The following ADAM33 variants were observed in gnomAD, a reference collection of about 807,000 sequenced individuals.
ADAM33 encodes ADAM metallopeptidase domain 33, also known as disintegrin and metalloproteinase domain-containing protein 33.
A neutral mutation model predicts 106.2 loss-of-function variants in ADAM33; 103 were observed. That is an observed-to-expected ratio of 0.97 (90% confidence interval 0.83 to 1.14). ADAM33 has a LOEUF of 1.14. Ranked by LOEUF, ADAM33 falls within the 50% of genes most tolerant of loss-of-function variation. ADAM33 has a pLI of 0.00. For missense variants in ADAM33, 1,120 were observed against 1,096.6 expected, an observed-to-expected ratio of 1.02 and a Z score of -0.30; for synonymous variants, 483 against 453.0, an observed-to-expected ratio of 1.07 and a Z score of -0.84.
intron 6 of ADAM33, 62 bp from the exon 7 acceptor site, chr20:3,674,346 T>A (rs2485700): frequency 6.2e-7 from 1 of 1,609,806 alleles, no homozygotes. Flanking sequence ...TGACCACCAA[T>A]CCCAGCTCCC....
chr20:3,676,181 C>G (rs891230853), intron 3 of ADAM33, among the ~76,000 whole-genome samples: 1 of 151,986 alleles, frequency 6.6e-6, no homozygotes, highest in Non-Finnish European at 1.5e-5. Context: ...CCCCACCCAG[C>G]CCAAGGCACC....
At chr20:3,673,074 T>G in intron 11 of ADAM33, 176 bp from the exon 12 acceptor site, 1 of 1,444,210 alleles carries the variant, frequency 6.9e-7, no homozygotes, top group Non-Finnish European at 9.1e-7. Flanking sequence ...GCCCCAATAG[T>G]GAGCAGCCCG....
intron 19 of ADAM33, chr20:3,670,440 T>G (rs2087459994): frequency 6.2e-6 from 1 of 160,704 alleles, no homozygotes; most frequent in Non-Finnish European, 1.4e-5. Context: ...TAGTATTATG[T>G]GACTCCCCAC....
intron 19 of ADAM33, chr20:3,670,536 G>A (rs2087466303): frequency 6.0e-6 from 1 of 167,190 alleles, no homozygotes; most frequent in African/African-American, 2.4e-5. Context: ...CCAGTGGTAT[G>A]GAGTGAAAAG....
At chr20:3,679,136 C>CTTTTTTT (rs778392877) in intron 2 of ADAM33, among the ~76,000 whole-genome samples, 3 of 78,242 alleles carry the variant, frequency 3.8e-5, no homozygotes, top group African/African-American at 9.8e-5. Flanking sequence ...CTTTTTGGTG[C>CTTTTTTT]TTTTTTTTTT....
Position 3,674,073 on chromosome 20 carries a change from G to C in ADAM33, c.729C>G (p.Tyr243Ter), listed in dbSNP as rs763760073. The change falls in exon 8 of 22, where the codon TAC becomes TAG. Residue 243 changes from tyrosine (Y) to a stop codon, truncating the protein, a stop_gained. Coordinates refer to ENST00000356518, the MANE Select transcript of ADAM33 (RefSeq NM_025220.5). LOFTEE classifies it high-confidence loss of function. ...TKQRLLEVAN[Y>*]VDQLLRTLDI... ...CCCCGCCGCCCCCAACCTGGTCCACGTAGTTGGCGACTTCCAGGAGACGCT... is the reference window on the plus strand; with the variant it reads ...CCCCGCCGCCCCCAACCTGGTCCACCTAGTTGGCGACTTCCAGGAGACGCT... 1.9e-6 allele frequency: 3 copies of C among 1,614,128 alleles called. No homozygotes were observed. In the Admixed American group the frequency reaches 5.0e-5, roughly 27 times the overall value.
At position 3,671,955 on chromosome 20, in the gene ADAM33, T is replaced by C. The variant is rs2087564304; in HGVS notation, c.1628A>G (p.Gln543Arg). ...AGCATCTCCCGCAGAGTTCACCACC[T>C]GGAAACAGGCCTCGGGAGCTGGGTG... The part of the protein sequence containing the change: ...GSHPAPEACF[Q>R]VVNSAGDAHG... Residue 543 changes from glutamine (Q) to arginine (R), a missense_variant, in exon 15 of 22, where the codon CAG (glutamine) becomes CGG (arginine). Coordinates refer to ENST00000356518, the MANE Select transcript of ADAM33 (RefSeq NM_025220.5). 1 of 1,556,166 alleles carries C rather than the reference T, an allele frequency of 6.4e-7. No homozygotes were observed. The highest frequency in any genetic ancestry group is 1.2e-5 in the South Asian group (1 of 84,456).
chr20:3,673,562 C>A lies in ADAM33; in HGVS notation c.990+12G>T, dbSNP rs908717017. 5.2e-5 allele frequency: 72 copies of A among 1,395,836 alleles called. No individual in the cohort carries two copies. Among genetic ancestry groups the A allele is most frequent in the Non-Finnish European group, 6.0e-5 (65 of 1,081,632 alleles). 86.5% of individuals were successfully genotyped at this position (1,395,836 alleles called of 1,614,324 possible). ...CTCCTGTCTCTCCCTCGCCCCCGCC[C>A]GCGGGGCTCACCGTGCTCACGCCTC... On this transcript the variant is annotated intron_variant, in intron 10 of 21. Transcript: ENST00000356518.
At chr20:3,670,944 A>G in intron 19 of ADAM33, 62 bp downstream of exon 19, 5 of 1,491,246 alleles carry the variant, frequency 3.4e-6, no homozygotes, top group Non-Finnish European at 4.5e-6. Flanking sequence ...CCACAGCCCC[A>G]GCAGAGCTCT....
Position 3,673,403 on chromosome 20 carries a change from C to T in ADAM33, c.1084G>A (p.Val362Met), listed in dbSNP as rs538914874. ...GLSHDPDGCC[V>M]EAAAESGGCV... ...CCTCCGGACTCGGCCGCAGCCTCCA[C>T]GCAGCAGCCGTCGGGGTCGTGGCTG... is the stretch of plus-strand genomic sequence containing the variant. The change falls in exon 11 of 22, where the codon GTG becomes ATG. Residue 362 changes from valine (V) to methionine (M), a missense_variant. Transcript: ENST00000356518. 4 of 1,554,164 alleles carry T rather than the reference C, an allele frequency of 2.6e-6. No individual in the cohort carries two copies. Among genetic ancestry groups the T allele is most frequent in the African/African-American group, 2.7e-5 (2 of 73,808 alleles).
intron 6 of ADAM33, 97 bp from the exon 7 acceptor site, chr20:3,674,381 G>T: frequency 5.0e-6 from 8 of 1,603,198 alleles, no homozygotes; most frequent in Non-Finnish European, 3.4e-6. Context: ...CATGTTTTCT[G>T]GAACTTGTTT....
At chr20:3,672,036 A>T (rs1568800881) in intron 14 of ADAM33, 51 bp from the exon 15 acceptor site, 1 of 1,554,368 alleles carries the variant, frequency 6.4e-7, no homozygotes, top group African/African-American at 1.4e-5. Flanking sequence ...GGCTGCGCTC[A>T]GCGGGCCTCA....
chr20:3,673,589 C>T lies in ADAM33; in HGVS notation c.975G>A (p.Ser325=), dbSNP rs544370458. The T allele has an allele frequency of 3.6e-6, 5 of 1,376,242 alleles. No individual in the cohort carries two copies. In the East Asian group the frequency reaches 9.1e-5, roughly 25 times the overall value. 85.3% of individuals were successfully genotyped at this position (1,376,242 alleles called of 1,614,324 possible). The part of the protein sequence containing the change: ...PVEGMCRAES[S]GGVSTDHSEL... ...CGGGGCTCACCGTGCTCACGCCTCCCGAGCTCTCGGCGCGGCACATGCCCT... is the reference window on the plus strand; with the variant it reads ...CGGGGCTCACCGTGCTCACGCCTCCTGAGCTCTCGGCGCGGCACATGCCCT... Residue 325 remains serine (S), a synonymous_variant, in exon 10 of 22, where the codon TCG becomes TCA. Transcript: ENST00000356518.
Position 3,668,676 on chromosome 20 carries a change from C to T in ADAM33, c.*287G>A, listed in dbSNP as rs2087340462. On this transcript the variant is annotated 3_prime_UTR_variant, in exon 22 of 22. Coordinates refer to ENST00000356518, the MANE Select transcript of ADAM33 (RefSeq NM_025220.5). ...TGGGATGGCCAGCACTACCCAGCCTCCACTGGTGAGGGAGGTCAGGGGCTG... is the reference window on the plus strand; with the variant it reads ...TGGGATGGCCAGCACTACCCAGCCTTCACTGGTGAGGGAGGTCAGGGGCTG... The T allele has an allele frequency of 4.2e-6, 2 of 471,614 alleles. No homozygotes were observed. Among genetic ancestry groups the T allele is most frequent in the Admixed American group, 6.7e-5 (2 of 29,892 alleles). The allele number at this position is 471,614 out of a possible 1,614,324, so 29.2% of individuals were successfully genotyped here.
At chr20:3,676,972 C>A in intron 3 of ADAM33, 95 bp downstream of exon 3, 2 of 1,339,492 alleles carry the variant, frequency 1.5e-6, no homozygotes, top group South Asian at 1.3e-5. Flanking sequence ...TCTCTGGGGT[C>A]CTCTGCCCAT....
Position 3,671,147 on chromosome 20 carries a change from T to C in ADAM33, c.2099A>G (p.Asp700Gly), listed in dbSNP as rs761702883. 2 of 1,612,734 alleles carry C rather than the reference T, an allele frequency of 1.2e-6. No individual in the cohort carries two copies. Among genetic ancestry groups the C allele is most frequent in the Non-Finnish European group, 1.7e-6 (2 of 1,179,562 alleles). Residue 700 changes from aspartate (D) to glycine (G), a missense_variant, in exon 19 of 22, where the codon GAC becomes GGC. Transcript: ENST00000356518. ...DSGPVQAENH[D>G]TFLLAMLLSV... ...GAGGAGCATGGCCAGCAGGAAGGTG[T>C]CATGGTCTGCGGGGATTGGGGGAAG...
chr20:3,680,671 C>T (rs1425724817), intron 1 of ADAM33, among the ~76,000 whole-genome samples: 1 of 152,124 alleles, frequency 6.6e-6, no homozygotes, highest in African/African-American at 2.4e-5. Flanking sequence ...GGTCTCTCAG[C>T]CCAGAGAGCA....
rs1299712306 is a variant in ADAM33 at position 3,673,456 on chromosome 20, G to A, written c.1031C>T (p.Ala344Val). ...ELPIGAAATM[A>V]HEIGHSLGLS... ...GCCGAGGCTGTGGCCGATCTCATGGGCCATGGTGGCTGCGGCGCCGATGGG... is the reference window on the plus strand; with the variant it reads ...GCCGAGGCTGTGGCCGATCTCATGGACCATGGTGGCTGCGGCGCCGATGGG... The change falls in exon 11 of 22, where the codon GCC (alanine) becomes GTC (valine). Residue 344 changes from alanine to valine, a missense_variant. Ala to Val is a moderately conservative substitution (Grantham distance 64). Transcript: ENST00000356518. 2.6e-6 allele frequency: 4 copies of A among 1,559,980 alleles called. No homozygotes were observed. The highest frequency in any genetic ancestry group is 2.4e-5 in the South Asian group (2 of 84,358).
In ADAM33 at chr20:3,668,620, G is replaced by C. The variant is rs2087338327; in HGVS notation, c.*343C>G. 2.8e-6 allele frequency: 1 copy of C among 360,484 alleles called. No individual in the cohort carries two copies. The highest frequency in any genetic ancestry group is 5.2e-6 in the Non-Finnish European group (1 of 190,508). The allele number at this position is 360,484 out of a possible 1,614,324, so 22.3% of individuals were successfully genotyped here. A position where few individuals can be genotyped will look rare whatever the true frequency, so the allele number is the denominator to read the frequency against. ...GGGTCCGTGGAAATTGCATGTAGGA[G>C]ACACACCAGACTCCCAGGACAGAGC... On this transcript the variant is annotated 3_prime_UTR_variant, in exon 22 of 22. Coordinates refer to ENST00000356518, the MANE Select transcript of ADAM33 (RefSeq NM_025220.5).
Sources: allele counts gnomAD v4.1 joint callset (sites outside exome capture counted in the v4.1 genomes callset), GRCh38; gene constraint gnomAD v4.1.1; transcripts MANE v1.5; gene names NCBI Gene and HGNC (gene_info 2026-07-23, HGNC 2026-07-21).